Variants in PRICKLE2 observed in about 807,000 individuals in gnomAD.
The protein encoded by PRICKLE2 is prickle planar cell polarity protein 2, also known as prickle-like protein 2.
PRICKLE2 carries 21 observed loss-of-function variants against 81.4 expected under a neutral mutation model. The ratio of observed to expected loss-of-function variants is 0.26; its 90% CI spans 0.18 to 0.37. PRICKLE2 has a LOEUF of 0.37. PRICKLE2 is among the 10% of genes least tolerant of loss of function. PRICKLE2 has a pLI of 1.00. For synonymous variants in PRICKLE2, 456 were observed against 421.5 expected, an observed-to-expected ratio of 1.08 and a Z score of -1.00; for missense variants, 940 against 1,109.0, an observed-to-expected ratio of 0.85 and a Z score of 2.16.
intron 6 of PRICKLE2, among the ~76,000 whole-genome samples, chr3:64,150,544 TTCC>T (rs921462273): frequency 1.3e-5 from 2 of 152,106 alleles, no homozygotes; most frequent in Non-Finnish European, 2.9e-5. Context: ...ACCCTCCTTC[TTCC>T]TCCTCCTTCT....
intron 7 of PRICKLE2, among the ~76,000 whole-genome samples, chr3:64,131,757 C>T (rs752067832): frequency 2.6e-5 from 4 of 152,184 alleles, no homozygotes; most frequent in Non-Finnish European, 5.9e-5. Context: ...GTTCTCCACC[C>T]TGTACTTCTC....
chr3:64,114,283 G>C (rs888820893), intron 7 of PRICKLE2, among the ~76,000 whole-genome samples: 1 of 152,064 alleles, frequency 6.6e-6, no homozygotes, highest in South Asian at 2.1e-4. Context: ...ATCAGGGCAA[G>C]AATGCTGAAA....
chr3:64,131,230 C>G (rs945972252), intron 7 of PRICKLE2, among the ~76,000 whole-genome samples: 1 of 152,174 alleles, frequency 6.6e-6, no homozygotes. Context: ...TATGATTTCC[C>G]CCCAATAATG....
chr3:64,178,784 C>A (rs2078066801), intron 2 of PRICKLE2, among the ~76,000 whole-genome samples: 1 of 152,104 alleles, frequency 6.6e-6, no homozygotes, highest in African/African-American at 2.4e-5. Context: ...GCCTCTGGTC[C>A]CAACATTTTC....
At chr3:64,262,779 G>A (rs2079636161) in intron 2 of PRICKLE2, among the ~76,000 whole-genome samples, 1 of 152,170 alleles carries the variant, frequency 6.6e-6, no homozygotes, top group South Asian at 2.1e-4. Flanking sequence ...GGGTGACCTT[G>A]ACATCTCTTA....
intron 2 of PRICKLE2, among the ~76,000 whole-genome samples, chr3:64,232,338 T>C (rs2079117090): frequency 1.3e-5 from 2 of 152,342 alleles, no homozygotes; most frequent in Middle Eastern, 3.4e-3. Flanking sequence ...TTTTTGGAAT[T>C]AATAAAAAGC....
chr3:64,117,868 A>C (rs1034865807), intron 7 of PRICKLE2, among the ~76,000 whole-genome samples: 5 of 152,324 alleles, frequency 3.3e-5, no homozygotes, highest in East Asian at 1.9e-4. Context: ...ATTCATATGG[A>C]AACAAAAAAG....
At chr3:64,140,777 C>A (rs557078526) in intron 7 of PRICKLE2, among the ~76,000 whole-genome samples, 1 of 152,286 alleles carries the variant, frequency 6.6e-6, no homozygotes, top group African/African-American at 2.4e-5. Context: ...TCTTGGACTG[C>A]CACCTCTGAC....
At chr3:64,165,380 G>T (rs2077813072) in intron 2 of PRICKLE2, among the ~76,000 whole-genome samples, 1 of 152,148 alleles carries the variant, frequency 6.6e-6, no homozygotes, top group Admixed American at 6.5e-5. Context: ...AAGTTATGTG[G>T]CTGTTCAAAA....
chr3:64,204,395 T>G (rs2078643827), intron 1 of PRICKLE2, among the ~76,000 whole-genome samples: 1 of 152,164 alleles, frequency 6.6e-6, no homozygotes, highest in Admixed American at 6.5e-5. Context: ...CCCAGAGTGG[T>G]TAAGTGGCTT....
At chr3:64,239,261 C>T (rs894637305) in intron 2 of PRICKLE2, among the ~76,000 whole-genome samples, 3 of 152,168 alleles carry the variant, frequency 2.0e-5, no homozygotes, top group East Asian at 1.9e-4. Flanking sequence ...GGGCTGGCAG[C>T]GTCCTCTCTG....
At position 64,243,549 on chromosome 3, in the gene PRICKLE2, C is replaced by A. The variant is rs377507099; in HGVS notation, c.129-44582G>T. ...ACACAGATTCTGGTATCAGTCATACCTGGGTAGAAATCTCAGCTCTGTCAC... is the reference window on the plus strand; with the variant it reads ...ACACAGATTCTGGTATCAGTCATACATGGGTAGAAATCTCAGCTCTGTCAC... On this transcript the variant is annotated intron_variant, in intron 2 of 8. Transcript: ENST00000295902. 1.6e-4 allele frequency among the ~76,000 whole-genome samples: 25 copies of A among 152,254 alleles called. No homozygotes were observed. In the South Asian group the frequency reaches 2.5e-3, roughly 15 times the overall value.
chr3:64,134,036 T>C (rs1281998709), intron 7 of PRICKLE2, among the ~76,000 whole-genome samples: 1 of 152,142 alleles, frequency 6.6e-6, no homozygotes, highest in Non-Finnish European at 1.5e-5. Flanking sequence ...ATAATACAAG[T>C]AATAGTTACT....
At chr3:64,180,628 G>A (rs1474898057) in intron 2 of PRICKLE2, among the ~76,000 whole-genome samples, 1 of 151,848 alleles carries the variant, frequency 6.6e-6, no homozygotes, top group Non-Finnish European at 1.5e-5. Flanking sequence ...CACCTCCTGG[G>A]TCCAAGCAAT....
chr3:64,184,271 A>T (rs1575633022), intron 2 of PRICKLE2, among the ~76,000 whole-genome samples: 1 of 152,176 alleles, frequency 6.6e-6, no homozygotes, highest in Non-Finnish European at 1.5e-5. Context: ...CATTTTATAG[A>T]TGAGAAAGAA....
At chr3:64,259,387 G>A (rs1176912592) in intron 2 of PRICKLE2, among the ~76,000 whole-genome samples, 4 of 152,146 alleles carry the variant, frequency 2.6e-5, no homozygotes, top group Non-Finnish European at 5.9e-5. Flanking sequence ...GAAGTTCTGA[G>A]GGGTGAGGAA....
intron 7 of PRICKLE2, among the ~76,000 whole-genome samples, chr3:64,116,248 A>C (rs184725520): frequency 6.6e-6 from 1 of 152,284 alleles, no homozygotes; most frequent in East Asian, 1.9e-4. Flanking sequence ...AAAAGTTAGA[A>C]AGATCTCAAG....
chr3:64,147,186 G>A lies in PRICKLE2; in HGVS notation c.1304C>T (p.Ala435Val), dbSNP rs946033679. ...RTSYSPGGQGAGAQPEMWGKH... is the reference protein window; with the variant it reads ...RTSYSPGGQGVGAQPEMWGKH... Reference sequence around the variant, plus strand: ...GCCCCACATTTCGGGCTGGGCCCCAGCCCCTTGCCCTCCTGGACTGTAGGA... The same window carrying A: ...GCCCCACATTTCGGGCTGGGCCCCAACCCCTTGCCCTCCTGGACTGTAGGA... The change falls in exon 7 of 8, where the codon GCT becomes GTT. Residue 435 changes from alanine (A) to valine (V), a missense_variant. Ala to Val is a moderately conservative substitution (Grantham distance 64). This residue lies in a region of PRICKLE2 where 670 missense variants were observed against 717.2 expected (regional missense o/e 0.93). Coordinates refer to ENST00000638394, the MANE Select transcript of PRICKLE2 (RefSeq NM_198859.4). The surrounding 1 kb of genome is among the most constrained non-coding windows in gnomAD (Gnocchi z 5.0). 6.8e-6 allele frequency: 11 copies of A among 1,613,598 alleles called. No homozygotes were observed. Among genetic ancestry groups the A allele is most frequent in the African/African-American group, 2.7e-5 (2 of 74,874 alleles).
chr3:64,239,146 C>T (rs533123133), intron 2 of PRICKLE2, among the ~76,000 whole-genome samples: 2 of 152,122 alleles, frequency 1.3e-5, no homozygotes, highest in Non-Finnish European at 2.9e-5. Flanking sequence ...ACCTCACAGC[C>T]GGCTCCACAC....
Sources: allele counts gnomAD v4.1 joint callset (sites outside exome capture counted in the v4.1 genomes callset), GRCh38; gene constraint gnomAD v4.1.1; regional missense constraint gnomAD v4.1.1; non-coding constraint Gnocchi (gnomAD v3.1); transcripts MANE v1.5; gene names NCBI Gene and HGNC (gene_info 2026-07-23, HGNC 2026-07-21).